The following HTR1F variants were observed in gnomAD, a reference collection of about 807,000 sequenced individuals.
HTR1F encodes 5-hydroxytryptamine (serotonin) receptor 1F, G protein-coupled.
HTR1F carries 17 observed loss-of-function variants against 24.0 expected under a neutral mutation model. The observed-to-expected ratio is 0.71, with a 90% confidence interval of 0.48 to 1.06. HTR1F has a LOEUF of 1.06. Ranked by LOEUF, HTR1F falls within the 50% of genes least tolerant of loss-of-function variation. The pLI is 0.00. For missense variants in HTR1F, 391 were observed against 427.8 expected, an observed-to-expected ratio of 0.91 and a Z score of 0.76; for synonymous variants, 186 against 156.8, an observed-to-expected ratio of 1.19 and a Z score of -1.39.
At chr3:87,813,035 A>G (rs1704187057) in intron 1 of HTR1F, among the ~76,000 whole-genome samples, 1 of 152,196 alleles carries the variant, frequency 6.6e-6, no homozygotes, top group Non-Finnish European at 1.5e-5. Context: ...TGCTAGGGCA[A>G]TGTAGAAGGG....
chr3:87,850,944 C>T (rs1393655938), intron 2 of HTR1F, among the ~76,000 whole-genome samples: 1 of 151,394 alleles, frequency 6.6e-6, no homozygotes, highest in African/African-American at 2.4e-5. Context: ...CTATAGTTGT[C>T]TATACTATAA....
At chr3:87,890,618 A>C (rs1706058818) in intron 2 of HTR1F, among the ~76,000 whole-genome samples, 1 of 149,512 alleles carries the variant, frequency 6.7e-6, no homozygotes, top group East Asian at 2.0e-4. Flanking sequence ...TGTACGGTGG[A>C]TAAACTTGTA....
In HTR1F at chr3:87,936,097, A is replaced by G. The variant is rs146549005; in HGVS notation, c.-42-54611A>G. 4.9e-3 allele frequency among the ~76,000 whole-genome samples: 748 copies of G among 152,196 alleles called. 8 individuals carry two copies. Among genetic ancestry groups the G allele is most frequent in the African/African-American group, 0.017 (693 of 41,510 alleles). On this transcript the variant is annotated intron_variant, in intron 2 of 2. Transcript: ENST00000319595. ...ACTCCTGACCTCAAGTGATCCTCCC[A>G]CCTTGGCCTCCCAAAGTGCTGGGAT...
chr3:87,990,917 T>A lies in HTR1F; in HGVS notation c.168T>A (p.His56Gln), dbSNP rs1443176479. 1.9e-6 allele frequency: 3 copies of A among 1,614,062 alleles called. No homozygotes were observed. Among genetic ancestry groups the A allele is most frequent in the Non-Finnish European group, 2.5e-6 (3 of 1,180,032 alleles). Residue 56 changes from histidine (H) to glutamine (Q), a missense_variant, in exon 3 of 3, where the codon CAT becomes CAA. Physicochemically the swap from His to Gln is conservative, Grantham distance 24 (BLOSUM62 0). Coordinates refer to ENST00000319595, the MANE Select transcript of HTR1F (RefSeq NM_001322209.2). Reference protein sequence around the residue: ...AAIIVTRKLHHPANYLICSLA... With the variant: ...AAIIVTRKLHQPANYLICSLA... The stretch of plus-strand genomic sequence containing the variant: ...TTATTGTGACCCGGAAGCTGCACCA[T>A]CCAGCCAATTATTTAATTTGTTCCC...
At chr3:87,832,358 C>T (rs147347770) in intron 2 of HTR1F, among the ~76,000 whole-genome samples, 6 of 139,000 alleles carry the variant, frequency 4.3e-5, no homozygotes, top group South Asian at 4.6e-4. Flanking sequence ...GATGGAGTCT[C>T]GCTCTGTCGC....
chr3:87,923,984 G>A, intron 2 of HTR1F, among the ~76,000 whole-genome samples: 1 of 151,994 alleles, frequency 6.6e-6, no homozygotes, highest in Non-Finnish European at 1.5e-5. Context: ...TCTAGTTTTG[G>A]TATCAGGGTA....
intron 2 of HTR1F, among the ~76,000 whole-genome samples, chr3:87,952,535 TA>T: frequency 6.6e-6 from 1 of 152,104 alleles, no homozygotes; most frequent in East Asian, 1.9e-4. Context: ...CAAAAAGTGC[TA>T]AAACATTGTC....
At chr3:87,875,633 G>A (rs1487214522) in intron 2 of HTR1F, among the ~76,000 whole-genome samples, 1 of 151,700 alleles carries the variant, frequency 6.6e-6, no homozygotes, top group African/African-American at 2.4e-5. Flanking sequence ...ATTAAGAATG[G>A]GCAAGACTCA....
At chr3:87,895,821 C>A (rs1706185395) in intron 2 of HTR1F, among the ~76,000 whole-genome samples, 1 of 152,062 alleles carries the variant, frequency 6.6e-6, no homozygotes, top group South Asian at 2.1e-4. Flanking sequence ...TGACATCTTT[C>A]TAATCGTTCA....
intron 2 of HTR1F, among the ~76,000 whole-genome samples, chr3:87,943,227 C>T (rs963359461): frequency 6.6e-6 from 1 of 152,122 alleles, no homozygotes. Context: ...GAGTGAGATA[C>T]CAGAGATCGC....
chr3:87,964,329 C>A (rs1187063180), intron 2 of HTR1F, among the ~76,000 whole-genome samples: 4 of 152,096 alleles, frequency 2.6e-5, no homozygotes, highest in Non-Finnish European at 4.4e-5. Flanking sequence ...TACCCATAAG[C>A]ATACCAATAA....
chr3:87,881,733 G>C (rs987406691), intron 2 of HTR1F, among the ~76,000 whole-genome samples: 3 of 152,066 alleles, frequency 2.0e-5, no homozygotes, highest in Non-Finnish European at 2.9e-5. Context: ...AGACTTAAAC[G>C]TTAGACCTAA....
chr3:87,962,208 G>GGCT (rs1210879463), intron 2 of HTR1F, among the ~76,000 whole-genome samples: 2 of 152,046 alleles, frequency 1.3e-5, no homozygotes, highest in Non-Finnish European at 2.9e-5. Flanking sequence ...TGAGAATTCA[G>GGCT]AATAGCTGAT....
chr3:87,961,935 A>G (rs1705071677), intron 2 of HTR1F, among the ~76,000 whole-genome samples: 1 of 152,076 alleles, frequency 6.6e-6, no homozygotes, highest in Admixed American at 6.6e-5. Flanking sequence ...TTTTGTCAGT[A>G]TAAGCATGCA....
chr3:87,955,351 T>C (rs1576085489), intron 2 of HTR1F, among the ~76,000 whole-genome samples: 1 of 151,504 alleles, frequency 6.6e-6, no homozygotes, highest in Non-Finnish European at 1.5e-5. Flanking sequence ...GATTTTGAGA[T>C]TCATCCATGT....
chr3:87,941,750 A>G lies in HTR1F; in HGVS notation c.-42-48958A>G, dbSNP rs146788187. Among the ~76,000 whole-genome samples, 194 of 152,322 alleles carry G rather than the reference A, an allele frequency of 1.3e-3. 4 individuals are homozygous for G. The East Asian group carries it at 0.028, about 22-fold the overall frequency. The stretch of plus-strand genomic sequence containing the variant: ...AAAGGCATCTTTAAGGTTCAGGACT[A>G]TAAACCACTCTGCTTCCTCTGCTAT... On this transcript the variant is annotated intron_variant, in intron 2 of 2. Transcript: ENST00000319595.
chr3:87,939,309 A>G (rs1018471612), intron 2 of HTR1F, among the ~76,000 whole-genome samples: 3 of 152,222 alleles, frequency 2.0e-5, no homozygotes, highest in African/African-American at 4.8e-5. Context: ...GTTGATGTTC[A>G]TCAGGGATAT....
intron 2 of HTR1F, among the ~76,000 whole-genome samples, chr3:87,971,037 A>ACTAC (rs1705276063): frequency 6.6e-6 from 1 of 152,138 alleles, no homozygotes; most frequent in Admixed American, 6.5e-5. Flanking sequence ...CACAGATGAC[A>ACTAC]CTACCTTCCA....
At chr3:87,981,002 G>A (rs908938949) in intron 2 of HTR1F, among the ~76,000 whole-genome samples, 3 of 152,012 alleles carry the variant, frequency 2.0e-5, no homozygotes, top group African/African-American at 7.2e-5. Flanking sequence ...CACCTGGGGG[G>A]GTGGGGCTCC....
Sources: gnomAD v4.1 joint callset for allele counts (sites outside exome capture counted in the v4.1 genomes callset) on GRCh38, gnomAD v4.1.1 for gene constraint, MANE v1.5 for transcripts, NCBI Gene and HGNC (gene_info 2026-07-23, HGNC 2026-07-21) for gene names.